NUP188: variants seen among roughly 807,000 people sequenced by gnomAD.
NUP188 encodes nucleoporin 188, also known as nucleoporin NUP188.
NUP188 carries 97 observed loss-of-function variants against 223.0 expected under a neutral mutation model. The ratio of observed to expected loss-of-function variants is 0.43; its 90% CI spans 0.37 to 0.51. The LOEUF is 0.51. Among genes scored for constraint, NUP188 ranks in the 20% least tolerant of loss-of-function variants. NUP188 has a pLI of 0.00. For synonymous variants in NUP188, 869 were observed against 828.0 expected, an observed-to-expected ratio of 1.05 and a Z score of -0.85; for missense variants, 1,947 against 2,175.6, an observed-to-expected ratio of 0.89 and a Z score of 2.09.
intron 41 of NUP188, 126 bp from the exon 42 acceptor site, chr9:129,005,924 A>G: frequency 1.4e-6 from 2 of 1,411,088 alleles, no homozygotes; most frequent in South Asian, 2.5e-5. Context: ...CACCTCTGAG[A>G]ATTACTGTGA....
At chr9:128,978,432 A>G (rs1371774646) in intron 12 of NUP188, among the ~76,000 whole-genome samples, 1 of 151,058 alleles carries the variant, frequency 6.6e-6, no homozygotes, top group South Asian at 2.1e-4. Context: ...GCGTGGTGGC[A>G]GGCGCCTGTA....
intron 2 of NUP188, 132 bp from the exon 3 acceptor site, chr9:128,952,641 T>G (rs1281619321): frequency 5.4e-5 from 33 of 609,860 alleles, no homozygotes; most frequent in Non-Finnish European, 9.5e-5. Flanking sequence ...GAGAATCACT[T>G]GAACCTGGGA....
intron 12 of NUP188, among the ~76,000 whole-genome samples, chr9:128,977,853 G>T (rs1348691184): frequency 6.6e-6 from 1 of 152,182 alleles, no homozygotes; most frequent in South Asian, 2.1e-4. Flanking sequence ...GCTGAGCCTA[G>T]TAATAACTTA....
chr9:128,949,154 AAG>A (rs1841739211), intron 1 of NUP188, 33 bp from the exon 2 acceptor site: 3 of 1,564,992 alleles, frequency 1.9e-6, no homozygotes, highest in African/African-American at 1.4e-5. Context: ...TATGATCAGA[AAG>A]AGCAAAATTA....
rs752531634 is a variant in NUP188 at position 128,981,367 on chromosome 9, C to T, written c.1493C>T (p.Thr498Ile). The T allele has an allele frequency of 1.2e-6, 2 of 1,613,650 alleles. No individual in the cohort carries two copies. Among genetic ancestry groups the T allele is most frequent in the Non-Finnish European group, 1.7e-6 (2 of 1,179,878 alleles). ...GATGGAACTCTTTGGCGGAGACAAA[C>T]ACCCAAACTCCTTTATCCCCTTGGT... ...HEDGTLWRRQ[T>I]PKLLYPLGGQ... The change falls in exon 15 of 44, where the codon ACA (threonine) becomes ATA (isoleucine). Residue 498 changes from threonine to isoleucine, a missense_variant. Transcript: ENST00000372577.
At chr9:128,983,082 G>C in intron 17 of NUP188, 54 bp downstream of exon 17, 3 of 1,604,318 alleles carry the variant, frequency 1.9e-6, no homozygotes, top group Non-Finnish European at 2.6e-6. Context: ...CAGCACTTGT[G>C]CCCTCAGTTT....
chr9:128,999,944 T>C, intron 34 of NUP188, 139 bp downstream of exon 34: 2 of 751,288 alleles, frequency 2.7e-6, no homozygotes, highest in Non-Finnish European at 4.3e-6. Flanking sequence ...GGTTAATAGA[T>C]CAGACACTGC....
Position 129,006,728 on chromosome 9 carries a change from C to CCTGGCTGGCAGGGGTGCTG in NUP188, c.*58_*76dup. 6.4e-7 allele frequency: 1 copy of CCTGGCTGGCAGGGGTGCTG among 1,550,612 alleles called. No homozygotes were observed. Among genetic ancestry groups the CCTGGCTGGCAGGGGTGCTG allele is most frequent in the African/African-American group, 1.4e-5 (1 of 73,158 alleles). ...CCCTCTCCACCAGCCTACACTGCAC[C>CCTGGCTGGCAGGGGTGCTG]CTGGCTGGCAGGGGTGCTGCTGGCT... On this transcript the variant is annotated 3_prime_UTR_variant, in exon 44 of 44. Coordinates refer to ENST00000372577, the MANE Select transcript of NUP188 (RefSeq NM_015354.3).
intron 11 of NUP188, among the ~76,000 whole-genome samples, chr9:128,971,575 C>T (rs940286105): frequency 1.5e-4 from 23 of 151,492 alleles, no homozygotes; most frequent in African/African-American, 4.6e-4. Context: ...CCTGCCACAA[C>T]GCCTAGCTAA....
At chr9:129,005,255 C>T in intron 39 of NUP188, 34 bp downstream of exon 39, 1 of 1,613,088 alleles carries the variant, frequency 6.2e-7, no homozygotes, top group South Asian at 1.1e-5. Context: ...CCTGGAATAC[C>T]TCACGCTAGC....
At chr9:128,951,517 T>A (rs2146294) in intron 2 of NUP188, among the ~76,000 whole-genome samples, 2,559 of 152,204 alleles carry the variant, frequency 0.017, 30 homozygotes, top group Non-Finnish European at 0.026. Flanking sequence ...ACATCATTTA[T>A]ATTATTAAAT....
At chr9:128,979,349 A>C in intron 13 of NUP188, 22 bp downstream of exon 13, 4 of 1,562,442 alleles carry the variant, frequency 2.6e-6, no homozygotes, top group Non-Finnish European at 3.5e-6. Context: ...AGAGAGAGTC[A>C]CTGCATAGCA....
At chr9:128,966,274 GTGTGTGTGTGTGTTTGTGTGTGTGTA>G (rs1842029490) in intron 8 of NUP188, among the ~76,000 whole-genome samples, 1 of 151,130 alleles carries the variant, frequency 6.6e-6, no homozygotes, top group African/African-American at 2.4e-5. Context: ...GTGTGTGTGT[GTGTGTGTGTGTGTTTGTGTGTGTGTA>G]TGTGTTAGAA....
intron 42 of NUP188, 51 bp downstream of exon 42, chr9:129,006,174 ACTGTT>A: frequency 2.5e-6 from 4 of 1,614,088 alleles, no homozygotes; most frequent in Non-Finnish European, 3.4e-6. Context: ...TCATGGGCCC[ACTGTT>A]CTCAAGCTTG....
At chr9:128,995,048 G>C in intron 29 of NUP188, 125 bp downstream of exon 29, 1 of 740,436 alleles carries the variant, frequency 1.4e-6, no homozygotes. Context: ...ACCATTCATG[G>C]AAGGCCAGTG....
chr9:129,000,452 G>C (rs1416868961), intron 34 of NUP188, among the ~76,000 whole-genome samples: 1 of 152,018 alleles, frequency 6.6e-6, no homozygotes, highest in Non-Finnish European at 1.5e-5. Context: ...CCGAGTAGCT[G>C]GGGCTACAGG....
At position 128,982,984 on chromosome 9, in the gene NUP188, C is replaced by G. The variant is rs1296819112; in HGVS notation, c.1752C>G (p.Asp584Glu). ...KVISTDLSIA[D>E]CLLPITSRIY... is the part of the protein sequence containing the mutation. ...TCAGTACAGACCTGTCGATAGCAGA[C>G]TGTCTCCTGCCCATCACATCTCGCA... Residue 584 changes from aspartate to glutamate, a missense_variant, in exon 17 of 44, where the codon GAC (aspartate) becomes GAG (glutamate). Asp to Glu is a conservative substitution (Grantham distance 45). Transcript: ENST00000372577. The G allele has an allele frequency of 3.7e-6, 6 of 1,614,030 alleles. No homozygotes were observed. In the Admixed American group the frequency reaches 8.3e-5, roughly 22 times the overall value.
At chr9:128,950,218 C>G (rs923761664) in intron 2 of NUP188, among the ~76,000 whole-genome samples, 2 of 150,454 alleles carry the variant, frequency 1.3e-5, no homozygotes, top group African/African-American at 2.4e-5. Context: ...CCACCACACC[C>G]GGCTACGTTT....
rs1345516387 is a variant in NUP188 at position 128,986,865 on chromosome 9, C to T, written c.2254C>T (p.Leu752=). The T allele has an allele frequency of 1.9e-6, 3 of 1,614,016 alleles. No individual in the cohort carries two copies. Among genetic ancestry groups the T allele is most frequent in the East Asian group, 2.2e-5 (1 of 44,880 alleles). The change falls in exon 22 of 44, where the codon CTG becomes TTG. Residue 752 remains leucine (L), a synonymous_variant. Transcript: ENST00000372577. ...ACTGAACCTGTGCCACGAGACAGACCTGCACAGCAGGTAATGAAGGGTTGA... is the reference window on the plus strand; with the variant it reads ...ACTGAACCTGTGCCACGAGACAGACTTGCACAGCAGGTAATGAAGGGTTGA... ...AILNLCHETD[L]HSSHTPSLQF...
Sources: allele counts gnomAD v4.1 joint callset (sites outside exome capture counted in the v4.1 genomes callset), GRCh38; gene constraint gnomAD v4.1.1; transcripts MANE v1.5; gene names NCBI Gene and HGNC (gene_info 2026-07-23, HGNC 2026-07-21).